Variants in DCHS2 observed in about 807,000 individuals in gnomAD.
DCHS2 encodes the protein protocadherin-23.
DCHS2 carries 142 observed loss-of-function variants against 182.4 expected under a neutral mutation model. The observed-to-expected ratio is 0.78, with a 90% CI of 0.68 to 0.89. The LOEUF (loss-of-function observed/expected upper bound fraction) is 0.89. Among genes scored for constraint, DCHS2 ranks in the 40% least tolerant of loss-of-function variants. DCHS2 has a pLI of 0.00. For synonymous variants in DCHS2, 1,740 were observed against 1,663.3 expected (o/e 1.05, Z -1.12); for missense variants, 4,319 against 4,198.6 (o/e 1.03, Z -0.79).
chr4:154,462,396 G>A (rs1010761567), intron 1 of DCHS2, among the ~76,000 whole-genome samples: 1 of 152,150 alleles, frequency 6.6e-6, no homozygotes, highest in African/African-American at 2.4e-5. Flanking sequence ...AAGCTTTCAT[G>A]TATATTCTCT....
At position 154,391,127 on chromosome 4, in the gene DCHS2, A is replaced by T. The variant is rs1160023528; in HGVS notation, c.2053-13683T>A. On this transcript the variant is annotated intron_variant, in intron 1 of 19. Coordinates refer to ENST00000357232, the MANE Select transcript of DCHS2 (RefSeq NM_001358235.2). ...GTAATTTAGCAGAAGGAACAGACTT[A>T]TAAAAGCTGATACTTATTTTTAATT... The T allele has an allele frequency of 3.2e-6, 5 of 1,570,816 alleles. No individual in the cohort carries two copies. The South Asian group carries it at 5.7e-5, about 18-fold the overall frequency.
intron 1 of DCHS2, among the ~76,000 whole-genome samples, chr4:154,388,737 A>G (rs1415114524): frequency 6.6e-6 from 1 of 151,772 alleles, no homozygotes; most frequent in African/African-American, 2.4e-5. Context: ...CTCGTGATCC[A>G]CCCGCCTCGG....
At chr4:154,469,892 T>C (rs561264984) in intron 1 of DCHS2, among the ~76,000 whole-genome samples, 2 of 152,332 alleles carry the variant, frequency 1.3e-5, no homozygotes, top group South Asian at 4.1e-4. Flanking sequence ...CAGCCACTCT[T>C]GAGCCCATCC....
At position 154,235,002 on chromosome 4, in the gene DCHS2, G is replaced by A. The variant is rs774225692; in HGVS notation, c.9650C>T (p.Ala3217Val). The A allele has an allele frequency of 1.9e-6, 3 of 1,613,884 alleles. No individual in the cohort carries two copies. In the East Asian group the frequency reaches 6.7e-5, roughly 36 times the overall value. Residue 3217 changes from alanine to valine, a missense_variant, in exon 20 of 20, where the codon GCT becomes GTT. Transcript: ENST00000357232. Reference sequence around the variant, plus strand: ...ATCAGAGGTCGTCTGAGTTGAAAGAGCTGCACACCTTACTTCCTGATCACC... The same window carrying A: ...ATCAGAGGTCGTCTGAGTTGAAAGAACTGCACACCTTACTTCCTGATCACC... The part of the protein sequence containing the change: ...ISGDQEVRCA[A>V]LSTQTTSDHD...
rs1016179603 is a variant in DCHS2, at chr4:154,381,436, A to C, written c.2053-3992T>G. On this transcript the variant is annotated intron_variant, in intron 1 of 19. Coordinates refer to ENST00000357232, the MANE Select transcript of DCHS2 (RefSeq NM_001358235.2). ...CAACACAGTACGGGAAGTCCTAGCC[A>C]GAGCAATCGGGCAACAGAAAGAAAT... Among the ~76,000 whole-genome samples, 3 of 152,266 alleles carry C rather than the reference A, an allele frequency of 2.0e-5. No homozygotes were observed. The East Asian group carries it at 5.8e-4, about 29-fold the overall frequency.
chr4:154,349,878 G>C (rs944813317), intron 3 of DCHS2, among the ~76,000 whole-genome samples: 24 of 152,300 alleles, frequency 1.6e-4, no homozygotes, highest in Middle Eastern at 3.4e-3. Flanking sequence ...TGCATAGCTA[G>C]TTCCAGAAAT....
intron 12 of DCHS2, among the ~76,000 whole-genome samples, chr4:154,304,408 G>A (rs1735350973): frequency 6.6e-6 from 1 of 152,006 alleles, no homozygotes; most frequent in Non-Finnish European, 1.5e-5. Context: ...GTTCTGACTG[G>A]GTGTGTATTT....
intron 13 of DCHS2, among the ~76,000 whole-genome samples, chr4:154,288,340 A>G (rs943935056): frequency 1.3e-5 from 2 of 152,180 alleles, no homozygotes; most frequent in Non-Finnish European, 2.9e-5. Flanking sequence ...TCATTATGCA[A>G]TGATGAATCA....
intron 3 of DCHS2, chr4:154,343,439 A>G: frequency 7.2e-7 from 1 of 1,380,106 alleles, no homozygotes; most frequent in South Asian, 2.0e-5. Context: ...TTTCATCTAC[A>G]TTGAAAATCT....
chr4:154,234,419 A>G lies in DCHS2; in HGVS notation c.*117T>C, dbSNP rs1731341199. 7.3e-7 allele frequency: 1 copy of G among 1,370,400 alleles called. No individual in the cohort carries two copies. The highest frequency in any genetic ancestry group is 9.6e-7 in the Non-Finnish European group (1 of 1,039,088). The allele number at this position is 1,370,400 out of a possible 1,614,324, so 84.9% of individuals were successfully genotyped here. On this transcript the variant is annotated 3_prime_UTR_variant, in exon 20 of 20. Coordinates refer to ENST00000357232, the MANE Select transcript of DCHS2 (RefSeq NM_001358235.2). Reference sequence around the variant, plus strand: ...TGGGGAAGTTTTAAAAACTCTAACTAAATTACATCACTTGCTTTTAGATAA... The same window carrying G: ...TGGGGAAGTTTTAAAAACTCTAACTGAATTACATCACTTGCTTTTAGATAA...
chr4:154,270,842 G>T lies in DCHS2; in HGVS notation c.6464-829C>A, dbSNP rs369065920. 3.3e-3 allele frequency among the ~76,000 whole-genome samples: 506 copies of T among 151,992 alleles called. 2 individuals are homozygous for T. Among genetic ancestry groups the T allele is most frequent in the African/African-American group, 0.011 (462 of 41,474 alleles). ...GGAGGCTATGAGAGCATAAAGAAAAGAAATATTCCCTCAACCAGCTTCCGA... is the reference window on the plus strand; with the variant it reads ...GGAGGCTATGAGAGCATAAAGAAAATAAATATTCCCTCAACCAGCTTCCGA... On this transcript the variant is annotated intron_variant, in intron 13 of 19. Transcript: ENST00000357232.
chr4:154,421,673 C>T (rs778710231), intron 1 of DCHS2, among the ~76,000 whole-genome samples: 22 of 152,164 alleles, frequency 1.4e-4, no homozygotes, highest in Non-Finnish European at 2.8e-4. Flanking sequence ...GGATTACAGG[C>T]GTAAGCCACC....
intron 1 of DCHS2, among the ~76,000 whole-genome samples, chr4:154,442,208 C>G (rs371196644): frequency 4.4e-4 from 67 of 152,144 alleles, no homozygotes; most frequent in African/African-American, 1.6e-3. Context: ...ATTTTACTGC[C>G]TAAATGAGTC....
At chr4:154,360,399 C>T (rs1032264434) in intron 3 of DCHS2, among the ~76,000 whole-genome samples, 5 of 151,978 alleles carry the variant, frequency 3.3e-5, no homozygotes, top group Non-Finnish European at 5.9e-5. Context: ...TGATCTGGTA[C>T]GAGAAACCTA....
At chr4:154,241,321 T>C (rs1394244408) in intron 17 of DCHS2, among the ~76,000 whole-genome samples, 2 of 152,176 alleles carry the variant, frequency 1.3e-5, no homozygotes, top group African/African-American at 4.8e-5. Context: ...ATTATTTATT[T>C]TGGAGTGGTG....
At chr4:154,331,814 A>T (rs951328237) in intron 5 of DCHS2, 11 of 1,282,546 alleles carry the variant, frequency 8.6e-6, no homozygotes. Flanking sequence ...ATGTATTTGC[A>T]GTATAGATAT....
chr4:154,459,435 CAA>C (rs759245547), intron 1 of DCHS2, among the ~76,000 whole-genome samples: 5 of 151,830 alleles, frequency 3.3e-5, no homozygotes, highest in Non-Finnish European at 5.9e-5. Context: ...ATCCAAAAAT[CAA>C]AGTTTTTGCT....
chr4:154,481,213 G>A (rs1552638), intron 1 of DCHS2, among the ~76,000 whole-genome samples: 25,508 of 152,042 alleles, frequency 0.17, 2,604 homozygotes, highest in Admixed American at 0.28. Flanking sequence ...CATTTAACAT[G>A]ACTAGCCATA....
At position 154,489,400 on chromosome 4, in the gene DCHS2, G is replaced by C. The variant is rs1357776020; in HGVS notation, c.1956C>G (p.Thr652=). The C allele has an allele frequency of 2.6e-6, 4 of 1,551,726 alleles. No individual in the cohort carries two copies. Among genetic ancestry groups the C allele is most frequent in the South Asian group, 1.2e-5 (1 of 84,050 alleles). The change falls in exon 1 of 20, where the codon ACC becomes ACG. Residue 652 remains threonine (T), a synonymous_variant. Transcript: ENST00000357232. The part of the protein sequence containing the change: ...PLSATCLVSI[T]VDDVNDNEPI... ...GCTCATTGTCATTCACATCATCTAC[G>C]GTGATGCTCACCAGGCAGGTGGCAG...
Sources: gnomAD v4.1 joint callset for allele counts (sites outside exome capture counted in the v4.1 genomes callset) on GRCh38, gnomAD v4.1.1 for gene constraint, MANE v1.5 for transcripts, NCBI Gene and HGNC (gene_info 2026-07-23, HGNC 2026-07-21) for gene names.